The following ELAVL2 variants were observed in gnomAD, a reference collection of about 807,000 sequenced individuals.
ELAVL2 encodes the protein ELAV like RNA binding protein 2.
ELAVL2 carries 4 observed loss-of-function variants against 34.6 expected under a neutral mutation model. That is an observed-to-expected ratio of 0.12 (90% CI 0.06 to 0.26). The LOEUF (loss-of-function observed/expected upper bound fraction) is 0.26, where lower values mean the gene tolerates loss of function less well. Among genes scored for constraint, ELAVL2 ranks in the 10% least tolerant of loss-of-function variants. The pLI, the probability that ELAVL2 is intolerant of heterozygous loss-of-function variation, is 1.00. For missense variants in ELAVL2, 432 were observed against 442.8 expected (o/e 0.98, Z 0.22); for synonymous variants, 193 against 154.8 (o/e 1.25, Z -1.83).
chr9:23,702,960 A>AAAAAAC, intron 4 of ELAVL2, among the ~76,000 whole-genome samples: 3 of 119,848 alleles, frequency 2.5e-5, no homozygotes, highest in Non-Finnish European at 4.6e-5. Context: ...GCAAAAAAAA[A>AAAAAAC]AAAAAAAAAA....
chr9:23,846,384 C>A, the ELAVL2 span, among the ~76,000 whole-genome samples: 2 of 151,684 alleles, frequency 1.3e-5, no homozygotes, highest in South Asian at 4.2e-4. Context: ...GATTTGCTAC[C>A]TATAAAAATC....
intron 2 of ELAVL2, among the ~76,000 whole-genome samples, chr9:23,758,860 C>T (rs1321911460): frequency 6.6e-6 from 1 of 152,002 alleles, no homozygotes; most frequent in Non-Finnish European, 1.5e-5. Context: ...GCAGCACTTC[C>T]TAAACTTGTC....
At chr9:23,775,317 G>A (rs1004008069) in intron 1 of ELAVL2, among the ~76,000 whole-genome samples, 2 of 152,168 alleles carry the variant, frequency 1.3e-5, no homozygotes, top group African/African-American at 2.4e-5. Flanking sequence ...ACTTTGGAAG[G>A]CTGGAGGACA....
intron 2 of ELAVL2, among the ~76,000 whole-genome samples, chr9:23,744,308 T>A (rs1320898734): frequency 6.6e-6 from 1 of 152,200 alleles, no homozygotes; most frequent in Non-Finnish European, 1.5e-5. Flanking sequence ...AGGTATTCAA[T>A]TACAAGTACA....
In ELAVL2 at chr9:23,806,778, C is replaced by T. The variant is rs2062281298; in HGVS notation, c.-16+19028G>A. Among the ~76,000 whole-genome samples, 5 of 152,130 alleles carry T rather than the reference C, an allele frequency of 3.3e-5. No individual in the cohort carries two copies. In the South Asian group the frequency reaches 1.0e-3, roughly 32 times the overall value. ...AATATAAAAAGCTATTAAGGAGAGA[C>T]CAGACACCAAAGGCAATGGGAAGTT... On this transcript the variant is annotated intron_variant, in intron 1 of 6. Transcript: ENST00000397312.
chr9:23,709,818 G>A (rs2040449902), intron 3 of ELAVL2, among the ~76,000 whole-genome samples: 1 of 152,174 alleles, frequency 6.6e-6, no homozygotes, highest in South Asian at 2.1e-4. Flanking sequence ...ACTAAGTGAA[G>A]GATCTAATTT....
In ELAVL2 at chr9:23,690,232, TAA is replaced by T. The variant is rs2032719557; in HGVS notation, c.*2323_*2324del. On this transcript the variant is annotated 3_prime_UTR_variant, in exon 7 of 7. Transcript: ENST00000397312. ...ATTTTCTATTCCAACAGATGTGAATTAAGTCATACTGTACAACTTCAAATAAA... is the reference window on the plus strand; with the variant it reads ...ATTTTCTATTCCAACAGATGTGAATTGTCATACTGTACAACTTCAAATAAA... 6.6e-6 allele frequency: 1 copy of T among 152,576 alleles called. No homozygotes were observed. The highest frequency in any genetic ancestry group is 6.6e-5 in the Admixed American group (1 of 15,264). 9.5% of individuals were successfully genotyped at this position (152,576 alleles called of 1,614,324 possible).
the ELAVL2 span, among the ~76,000 whole-genome samples, chr9:23,843,839 G>A: frequency 7.2e-5 from 11 of 151,784 alleles, no homozygotes; most frequent in Non-Finnish European, 1.6e-4. Context: ...TATGCTACTA[G>A]CAACAAAACA....
chr9:23,694,070 C>A (rs996766906), intron 5 of ELAVL2, among the ~76,000 whole-genome samples: 4 of 152,040 alleles, frequency 2.6e-5, no homozygotes, highest in African/African-American at 9.7e-5. Context: ...CCAAGCTAAC[C>A]CTCCCATTTC....
chr9:23,850,122 GA>G, the ELAVL2 span, among the ~76,000 whole-genome samples: 8 of 147,350 alleles, frequency 5.4e-5, no homozygotes, highest in African/African-American at 2.0e-4. Flanking sequence ...GGTGGGGGTG[GA>G]AAAAGCCAAA....
At chr9:23,765,660 T>G (rs2056077596) in intron 1 of ELAVL2, among the ~76,000 whole-genome samples, 1 of 152,188 alleles carries the variant, frequency 6.6e-6, no homozygotes, top group Non-Finnish European at 1.5e-5. Flanking sequence ...TGAGGTTATT[T>G]TGCCACTACA....
intron 1 of ELAVL2, among the ~76,000 whole-genome samples, chr9:23,798,439 C>CA (rs1297548370): frequency 1.1e-4 from 16 of 151,690 alleles, no homozygotes; most frequent in Non-Finnish European, 1.5e-5. Context: ...TATAAAATGG[C>CA]GGGGGTGGGG....
chr9:23,799,531 G>C (rs2061345553), intron 1 of ELAVL2, among the ~76,000 whole-genome samples: 1 of 152,200 alleles, frequency 6.6e-6, no homozygotes, highest in African/African-American at 2.4e-5. Flanking sequence ...CCTCAAGTCT[G>C]ATCACTGGGT....
intron 2 of ELAVL2, among the ~76,000 whole-genome samples, chr9:23,732,018 A>G (rs1369589052): frequency 6.6e-6 from 1 of 152,190 alleles, no homozygotes; most frequent in Non-Finnish European, 1.5e-5. Flanking sequence ...CAACTTTTCA[A>G]TGAAGCAAGT....
chr9:23,833,714 A>T, the ELAVL2 span, among the ~76,000 whole-genome samples: 1 of 151,926 alleles, frequency 6.6e-6, no homozygotes, highest in African/African-American at 2.4e-5. Flanking sequence ...AAAATAACCA[A>T]AAATGTGAAG....
chr9:23,700,865 G>C (rs1015006022), intron 5 of ELAVL2, among the ~76,000 whole-genome samples: 2 of 146,498 alleles, frequency 1.4e-5, no homozygotes, highest in African/African-American at 5.0e-5. Flanking sequence ...TGACACATGA[G>C]AATAAAATCC....
At chr9:23,703,089 G>A (rs1049866677) in intron 4 of ELAVL2, among the ~76,000 whole-genome samples, 1 of 149,868 alleles carries the variant, frequency 6.7e-6, no homozygotes, top group African/African-American at 2.4e-5. Flanking sequence ...GGTTCTGAAT[G>A]AAGCCCAATA....
In ELAVL2 at chr9:23,690,656, C is replaced by CTA. The variant is rs1391319056; in HGVS notation, c.*1900_*1901insTA. The CTA allele has an allele frequency of 6.6e-6, 1 of 152,366 alleles. No individual in the cohort carries two copies. The highest frequency in any genetic ancestry group is 1.5e-5 in the Non-Finnish European group (1 of 67,972). 9.4% of individuals were successfully genotyped at this position (152,366 alleles called of 1,614,324 possible). The stretch of plus-strand genomic sequence containing the variant: ...CAATTTTAAATAATAAAAAATAAAA[C>CTA]TCAAAGCAACCGCAAAGATAATGTA... On this transcript the variant is annotated 3_prime_UTR_variant, in exon 7 of 7. Transcript: ENST00000397312.
At chr9:23,784,114 C>G (rs1208395521) in intron 1 of ELAVL2, among the ~76,000 whole-genome samples, 1 of 151,950 alleles carries the variant, frequency 6.6e-6, no homozygotes, top group South Asian at 2.1e-4. Context: ...AGGAGAATGG[C>G]GTGAACCTGG....
Sources: gnomAD v4.1 joint callset for allele counts (sites outside exome capture counted in the v4.1 genomes callset) on GRCh38, gnomAD v4.1.1 for gene constraint, MANE v1.5 for transcripts, NCBI Gene and HGNC (gene_info 2026-07-23, HGNC 2026-07-21) for gene names.